LAMA3: variants seen among roughly 807,000 people sequenced by gnomAD.
LAMA3 encodes the protein laminin subunit alpha 3.
Under a neutral mutation model 402.0 loss-of-function variants are expected in LAMA3, and 281 were observed. That is an observed-to-expected ratio of 0.70 (90% CI 0.63 to 0.77). LAMA3 has a LOEUF of 0.77. LAMA3 is among the 30% of genes least tolerant of loss of function. The probability of loss-of-function intolerance (pLI) is 0.00; values close to 1 mark genes in which losing one functional copy is unlikely to be tolerated. For synonymous variants in LAMA3, 1,431 were observed against 1,558.4 expected, an observed-to-expected ratio of 0.92 and a Z score of 1.93; for missense variants, 3,840 against 4,215.5, an observed-to-expected ratio of 0.91 and a Z score of 2.47.
rs1308262180 is a variant in LAMA3 at position 23,921,460 on chromosome 18, C to A, written c.8052C>A (p.Ile2684=). The change falls in exon 62 of 75, where the codon ATC becomes ATA. Residue 2684 remains isoleucine, a synonymous_variant. Coordinates refer to ENST00000313654, the MANE Select transcript of LAMA3 (RefSeq NM_198129.4). The part of the protein sequence containing the change: ...INNGRDHSIQ[I]KIGKLQKRMW... ...TCTCTCATTTATTTCAGATTCAGATCAAAATTGGAAAACTCCAAAAGCGTA... is the reference window on the plus strand; with the variant it reads ...TCTCTCATTTATTTCAGATTCAGATAAAAATTGGAAAACTCCAAAAGCGTA... 2.5e-6 allele frequency: 4 copies of A among 1,612,420 alleles called. No homozygotes were observed. The highest frequency in any genetic ancestry group is 1.7e-4 in the Middle Eastern group (1 of 6,056).
At chr18:23,774,434 CCAAA>C (rs2062270004) in intron 9 of LAMA3, among the ~76,000 whole-genome samples, 1 of 152,138 alleles carries the variant, frequency 6.6e-6, no homozygotes, top group African/African-American at 2.4e-5. Flanking sequence ...TACGGAGAAA[CCAAA>C]CAGTCTGAGT....
rs199641230 is a variant in LAMA3, at chr18:23,814,486, C to A, written c.1872C>A (p.Asn624Lys). Reference sequence around the variant, plus strand: ...TATATTGGAATCTGGACAAAGAAAACCCCAGTGGATGTTCAGGTAGGTTTC... The same window carrying A: ...TATATTGGAATCTGGACAAAGAAAAACCCAGTGGATGTTCAGGTAGGTTTC... ...KLLYWNLDKENPSGCSECKCH... is the reference protein window; with the variant it reads ...KLLYWNLDKEKPSGCSECKCH... The change falls in exon 15 of 75, where the codon AAC becomes AAA. Residue 624 changes from asparagine to lysine, a missense_variant. Physicochemically the swap from Asn to Lys is moderately conservative, Grantham distance 94. This residue lies in a region of LAMA3 where 2,109 missense variants were observed against 2,376.0 expected (regional missense o/e 0.89). Transcript: ENST00000313654. The A allele has an allele frequency of 6.2e-7, 1 of 1,610,916 alleles. No homozygotes were observed. Among genetic ancestry groups the A allele is most frequent in the South Asian group, 1.1e-5 (1 of 91,004 alleles).
At chr18:23,725,631 A>T (rs891907223) in intron 2 of LAMA3, among the ~76,000 whole-genome samples, 1 of 152,182 alleles carries the variant, frequency 6.6e-6, no homozygotes, top group Non-Finnish European at 1.5e-5. Flanking sequence ...CTGGGTCCCC[A>T]GGCGGCCTCA....
chr18:23,706,594 T>TGCA (rs1288118794), intron 1 of LAMA3, among the ~76,000 whole-genome samples: 1 of 152,228 alleles, frequency 6.6e-6, no homozygotes, highest in Non-Finnish European at 1.5e-5. Flanking sequence ...TTTATATGTG[T>TGCA]TTCCTCTTCT....
chr18:23,871,466 G>T lies in LAMA3; in HGVS notation c.4803G>T (p.Val1601=). ...GACATGCCAGCAGCCGTGCCCCAGTGTCTAGGGAGGAGCTGATGACAGTGC... is the reference window on the plus strand; with the variant it reads ...GACATGCCAGCAGCCGTGCCCCAGTTTCTAGGGAGGAGCTGATGACAGTGC... ...NFRHASSRAP[V]SREELMTVLS... Residue 1601 remains valine, a synonymous_variant, in exon 38 of 75, where the codon GTG becomes GTT. Coordinates refer to ENST00000313654, the MANE Select transcript of LAMA3 (RefSeq NM_198129.4). The T allele has an allele frequency of 6.2e-7, 1 of 1,614,008 alleles. No homozygotes were observed. Among genetic ancestry groups the T allele is most frequent in the Non-Finnish European group, 8.5e-7 (1 of 1,179,964 alleles).
intron 2 of LAMA3, among the ~76,000 whole-genome samples, chr18:23,718,383 A>G (rs2061148152): frequency 6.6e-6 from 1 of 151,998 alleles, no homozygotes; most frequent in South Asian, 2.1e-4. Context: ...CCGCAGAGCA[A>G]GCCTGACTCA....
chr18:23,726,923 C>T (rs1339156082), intron 2 of LAMA3, among the ~76,000 whole-genome samples: 1 of 152,074 alleles, frequency 6.6e-6, no homozygotes, highest in Non-Finnish European at 1.5e-5. Context: ...CGGCCCATTG[C>T]CCACTTTTTA....
At chr18:23,809,549 G>A (rs535720369) in intron 12 of LAMA3, among the ~76,000 whole-genome samples, 4 of 152,142 alleles carry the variant, frequency 2.6e-5, no homozygotes, top group Non-Finnish European at 5.9e-5. Context: ...AAATGGGGAC[G>A]ACCTTGTGCA....
chr18:23,776,483 G>C (rs901501702), intron 10 of LAMA3, among the ~76,000 whole-genome samples: 4 of 152,208 alleles, frequency 2.6e-5, no homozygotes, highest in Admixed American at 6.5e-5. Flanking sequence ...ACTGTGATGA[G>C]TGTTGGCTCT....
chr18:23,899,000 A>G lies in LAMA3; in HGVS notation c.5771A>G (p.Asn1924Ser). The G allele has an allele frequency of 6.2e-7, 1 of 1,614,146 alleles. No individual in the cohort carries two copies. Among genetic ancestry groups the G allele is most frequent in the Non-Finnish European group, 8.5e-7 (1 of 1,179,990 alleles). The change falls in exon 46 of 75, where the codon AAT becomes AGT. Residue 1924 changes from asparagine to serine, a missense_variant. Asn to Ser is a conservative substitution (Grantham distance 46, BLOSUM62 1). Coordinates refer to ENST00000313654, the MANE Select transcript of LAMA3 (RefSeq NM_198129.4). ...GCACAAACATTAAACAACAATGTTA[A>G]TCGGGCAACACAAAGCGCAAAAGAA... Reference protein sequence around the residue: ...RKAQTLNNNVNRATQSAKELD... With the variant: ...RKAQTLNNNVSRATQSAKELD...
intron 12 of LAMA3, among the ~76,000 whole-genome samples, chr18:23,787,890 CAA>C (rs2062576215): frequency 6.6e-6 from 1 of 152,036 alleles, no homozygotes; most frequent in African/African-American, 2.4e-5. Context: ...GTAAAAATTA[CAA>C]AAGAGAGTAT....
chr18:23,758,606 G>A, intron 7 of LAMA3, 95 bp downstream of exon 7: 1 of 915,512 alleles, frequency 1.1e-6, no homozygotes, highest in African/African-American at 1.6e-5. Context: ...AAGAGGCTGT[G>A]GTCATGTCAG....
chr18:23,868,315 G>A (rs1269751799), intron 37 of LAMA3, among the ~76,000 whole-genome samples: 1 of 152,202 alleles, frequency 6.6e-6, no homozygotes, highest in Non-Finnish European at 1.5e-5. Context: ...AAAATGTGGA[G>A]TGTTTGATGC....
At chr18:23,835,309 G>A (rs1475153796) in intron 24 of LAMA3, among the ~76,000 whole-genome samples, 3 of 152,218 alleles carry the variant, frequency 2.0e-5, no homozygotes, top group African/African-American at 7.2e-5. Context: ...AAGGGGGCAG[G>A]AGGAACTATT....
At position 23,846,384 on chromosome 18, in the gene LAMA3, C is replaced by T. The variant is rs1020072620; in HGVS notation, c.3807C>T (p.His1269=). 1.9e-6 allele frequency: 3 copies of T among 1,614,168 alleles called. No individual in the cohort carries two copies. Among genetic ancestry groups the T allele is most frequent in the Admixed American group, 3.3e-5 (2 of 60,034 alleles). The change falls in exon 31 of 75, where the codon CAC becomes CAT. Residue 1269 remains histidine, a synonymous_variant. Coordinates refer to ENST00000313654, the MANE Select transcript of LAMA3 (RefSeq NM_198129.4). Reference sequence around the variant, plus strand: ...AGGGCGCCCTGCCTTGTGAGTGCCACCCCACTGGGGCCACCGGCCCTCACT... The same window carrying T: ...AGGGCGCCCTGCCTTGTGAGTGCCATCCCACTGGGGCCACCGGCCCTCACT... The part of the protein sequence containing the change: ...YHKGALPCEC[H]PTGATGPHCS...
rs149809232 is a variant in LAMA3, at chr18:23,899,375, G to T, written c.5924G>T (p.Arg1975Leu). Residue 1975 changes from arginine (R) to leucine (L), a missense_variant, in exon 47 of 75, where the codon CGC (arginine) becomes CTC (leucine). By Grantham distance (102) the Arg-to-Leu change is moderately radical. Coordinates refer to ENST00000313654, the MANE Select transcript of LAMA3 (RefSeq NM_198129.4). ...TCCAGAGAGTGGGCTGAAGCCCAGC[G>T]CATGATGAGGGAACTGCGGAACAGG... ...DFSREWAEAQ[R>L]MMRELRNRNF... The T allele has an allele frequency of 1.2e-6, 2 of 1,614,056 alleles. No homozygotes were observed. The highest frequency in any genetic ancestry group is 1.7e-6 in the Non-Finnish European group (2 of 1,179,924).
At chr18:23,772,579 TA>T (rs1372299408) in intron 8 of LAMA3, among the ~76,000 whole-genome samples, 1 of 152,180 alleles carries the variant, frequency 6.6e-6, no homozygotes, top group African/African-American at 2.4e-5. Context: ...ACCTCAACAT[TA>T]AAGTGAATTC....
chr18:23,772,004 C>A (rs2062208573), intron 8 of LAMA3, among the ~76,000 whole-genome samples: 1 of 151,446 alleles, frequency 6.6e-6, no homozygotes, highest in African/African-American at 2.4e-5. Flanking sequence ...AAAACAAAGT[C>A]TTTCACCTCT....
intron 40 of LAMA3, among the ~76,000 whole-genome samples, chr18:23,883,188 A>G (rs1352521253): frequency 2.0e-5 from 3 of 152,182 alleles, no homozygotes; most frequent in Non-Finnish European, 4.4e-5. Context: ...GGCTGTGGTC[A>G]AGCATCTGGA....
Sources: gnomAD v4.1 joint callset for allele counts (sites outside exome capture counted in the v4.1 genomes callset) on GRCh38, gnomAD v4.1.1 for gene constraint, gnomAD v4.1.1 regional missense constraint, MANE v1.5 for transcripts, NCBI Gene and HGNC (gene_info 2026-07-23, HGNC 2026-07-21) for gene names.